Variants in TENM3 observed in about 807,000 individuals in gnomAD.
The protein encoded by TENM3 is teneurin transmembrane protein 3.
In TENM3, 63 loss-of-function variants were observed where a neutral mutation model predicts 255.1. The ratio of observed to expected loss-of-function variants is 0.25; its 90% CI spans 0.20 to 0.30. TENM3 has a LOEUF of 0.30. Ranked by LOEUF, TENM3 falls within the 10% of genes least tolerant of loss-of-function variation. The probability of loss-of-function intolerance (pLI) is 1.00; values close to 1 mark genes in which losing one functional copy is unlikely to be tolerated. For missense variants in TENM3, 2,929 were observed against 3,461.1 expected (o/e 0.85, Z 3.86); for synonymous variants, 1,306 against 1,322.3 (o/e 0.99, Z 0.27).
intron 22 of TENM3, among the ~76,000 whole-genome samples, chr4:182,760,153 T>C (rs79418775): frequency 0.16 from 23,921 of 152,158 alleles, 2,015 homozygotes; most frequent in South Asian, 0.21. Context: ...ATGAAGACAC[T>C]GTGTCTTCAG....
At chr4:182,206,411 G>T (rs1004540950) in intron 1 of TENM3, among the ~76,000 whole-genome samples, 1 of 152,164 alleles carries the variant, frequency 6.6e-6, no homozygotes, top group African/African-American at 2.4e-5. Flanking sequence ...TCTGTTATGG[G>T]CCAGGGGGCT....
At chr4:181,797,732 T>C in the TENM3 span, among the ~76,000 whole-genome samples, 1 of 152,208 alleles carries the variant, frequency 6.6e-6, no homozygotes, top group Non-Finnish European at 1.5e-5. Context: ...TGAATGAGAC[T>C]ACTAAAAACT....
chr4:182,472,392 T>C (rs1480601531), intron 3 of TENM3, among the ~76,000 whole-genome samples: 6 of 152,214 alleles, frequency 3.9e-5, no homozygotes, highest in Admixed American at 3.9e-4. Flanking sequence ...CTTTTTAAAA[T>C]TGTTCTGTGT....
chr4:182,120,938 T>G, the TENM3 span, among the ~76,000 whole-genome samples: 2 of 152,302 alleles, frequency 1.3e-5, no homozygotes, highest in South Asian at 4.1e-4. Context: ...GACTGACTTG[T>G]ATACGCATTG....
At chr4:182,159,793 G>A (rs2309592) in intron 1 of TENM3, among the ~76,000 whole-genome samples, 32,163 of 151,998 alleles carry the variant, frequency 0.21, 4,235 homozygotes, top group Non-Finnish European at 0.3. Flanking sequence ...TAGCATTAGC[G>A]TAGTGGACGC....
At position 182,161,773 on chromosome 4, in the gene TENM3, A is replaced by ATATATACACAAATATATATG. The variant is rs1561153287; in HGVS notation, c.-76+17025_-76+17026insCACAAATATATATGTATATA. ...TATATATATACATATATATGTGTAT[A>ATATATACACAAATATATATG]TATATATACACAAATATATGTATAT... On this transcript the variant is annotated intron_variant, in intron 1 of 2. Coordinates refer to the TENM3 transcript ENST00000512480. Among the ~76,000 whole-genome samples, 44 of 48,840 alleles carry ATATATACACAAATATATATG rather than the reference A, an allele frequency of 9.0e-4. 19 individuals are homozygous for ATATATACACAAATATATATG. The highest frequency in any genetic ancestry group is 1.5e-3 in the Non-Finnish European group (40 of 27,492). The allele number at this position is 48,840 out of a possible 152,430, so 32.0% of individuals were successfully genotyped here. A position where few individuals can be genotyped will look rare whatever the true frequency, so the allele number is the denominator to read the frequency against.
intron 3 of TENM3, among the ~76,000 whole-genome samples, chr4:182,477,135 G>A (rs1733750723): frequency 6.6e-6 from 1 of 152,170 alleles, no homozygotes; most frequent in Admixed American, 6.5e-5. Context: ...TATTGGTACA[G>A]TGTGCTAGAG....
At chr4:182,124,527 C>T in the TENM3 span, among the ~76,000 whole-genome samples, 3 of 152,108 alleles carry the variant, frequency 2.0e-5, no homozygotes, top group African/African-American at 7.2e-5. Flanking sequence ...GGGAGTGAGT[C>T]TAGAAAGATT....
intron 1 of TENM3, among the ~76,000 whole-genome samples, chr4:182,184,956 G>A (rs374348074): frequency 3.3e-5 from 5 of 152,100 alleles, no homozygotes; most frequent in Admixed American, 6.5e-5. Context: ...GGTGGTGGGC[G>A]CCTGTGATCC....
intron 1 of TENM3, among the ~76,000 whole-genome samples, chr4:182,316,063 A>G (rs1335931922): frequency 2.6e-5 from 4 of 152,070 alleles, no homozygotes; most frequent in Non-Finnish European, 5.9e-5. Flanking sequence ...GTTTCAATTG[A>G]TTGATTTTTC....
At chr4:182,120,316 A>G in the TENM3 span, among the ~76,000 whole-genome samples, 11 of 152,184 alleles carry the variant, frequency 7.2e-5, no homozygotes, top group African/African-American at 2.7e-4. Context: ...CCTGATGTAT[A>G]GTAGGCTGTA....
chr4:182,685,803 C>G (rs1756526049), intron 11 of TENM3, among the ~76,000 whole-genome samples: 1 of 151,960 alleles, frequency 6.6e-6, no homozygotes, highest in African/African-American at 2.4e-5. Context: ...ACAATAGCCC[C>G]TTTTTTCATA....
chr4:181,524,465 G>T, the TENM3 span, among the ~76,000 whole-genome samples: 1 of 152,182 alleles, frequency 6.6e-6, no homozygotes, highest in East Asian at 1.9e-4. Context: ...TATATGCCCT[G>T]ATTTAACTAT....
intron 12 of TENM3, among the ~76,000 whole-genome samples, chr4:182,701,480 A>G (rs1757873501): frequency 6.6e-6 from 1 of 151,830 alleles, no homozygotes; most frequent in Non-Finnish European, 1.5e-5. Context: ...TCGGCCTCCC[A>G]ATATGCTGGG....
chr4:182,387,950 A>C (rs1768095328), intron 3 of TENM3, among the ~76,000 whole-genome samples: 1 of 152,052 alleles, frequency 6.6e-6, no homozygotes, highest in South Asian at 2.1e-4. Flanking sequence ...AAAAAAAAAA[A>C]AAAACCAACA....
intron 2 of TENM3, among the ~76,000 whole-genome samples, chr4:182,332,260 G>C (rs1763805731): frequency 6.6e-6 from 1 of 152,186 alleles, no homozygotes; most frequent in Admixed American, 6.5e-5. Context: ...TCCCTTGACT[G>C]TGATGAAAAG....
At chr4:181,569,357 A>T in the TENM3 span, among the ~76,000 whole-genome samples, 1 of 152,186 alleles carries the variant, frequency 6.6e-6, no homozygotes. Context: ...ACTTATTTAT[A>T]TTCTAAATCC....
At chr4:182,132,183 A>C in the TENM3 span, among the ~76,000 whole-genome samples, 5 of 152,230 alleles carry the variant, frequency 3.3e-5, no homozygotes, top group African/African-American at 1.2e-4. Context: ...TAAATGAATT[A>C]TAAAATGGGT....
the TENM3 span, among the ~76,000 whole-genome samples, chr4:181,967,725 C>G: frequency 6.6e-6 from 1 of 152,128 alleles, no homozygotes; most frequent in African/African-American, 2.4e-5. Flanking sequence ...ACTCAAACCC[C>G]TGAGATTTTT....
Sources: gnomAD v4.1 joint callset for allele counts (sites outside exome capture counted in the v4.1 genomes callset) on GRCh38, gnomAD v4.1.1 for gene constraint, MANE v1.5 for transcripts, NCBI Gene and HGNC (gene_info 2026-07-23, HGNC 2026-07-21) for gene names.